Variants in HIPK3 observed in about 807,000 individuals in gnomAD.
HIPK3 encodes the protein homeodomain interacting protein kinase 3.
Under a neutral mutation model 124.2 loss-of-function variants are expected in HIPK3, and 47 were observed. The ratio of observed to expected loss-of-function variants is 0.38; its 90% CI spans 0.30 to 0.48. The LOEUF (loss-of-function observed/expected upper bound fraction) is 0.48, where lower values mean the gene tolerates loss of function less well. Ranked by LOEUF, HIPK3 falls within the 20% of genes least tolerant of loss-of-function variation. HIPK3 has a pLI of 0.98. For synonymous variants in HIPK3, 482 were observed against 515.2 expected (o/e 0.94, Z 0.87); for missense variants, 1,286 against 1,454.3 (o/e 0.88, Z 1.88).
At position 33,351,617 on chromosome 11, in the gene HIPK3, T is replaced by A; in HGVS notation, c.2817T>A (p.Asp939Glu). 6.2e-7 allele frequency: 1 copy of A among 1,613,140 alleles called. No homozygotes were observed. The highest frequency in any genetic ancestry group is 1.1e-5 in the South Asian group (1 of 90,996). ...SPCKRPNSMS[D>E]EEQESSCDTV... The stretch of plus-strand genomic sequence containing the variant: ...TGCTTTCTTTTTGTAGTATGTCAGA[T>A]GAAGAGCAAGAAAGTAGTTGTGATA... Residue 939 changes from aspartate (D) to glutamate (E), a missense_variant, in exon 15 of 17, where the codon GAT becomes GAA. Physicochemically the swap from Asp to Glu is conservative, Grantham distance 45 (BLOSUM62 2). Coordinates refer to ENST00000303296, the MANE Select transcript of HIPK3 (RefSeq NM_005734.5).
chr11:33,298,208 G>A (rs1047505121), intron 2 of HIPK3, among the ~76,000 whole-genome samples: 8 of 152,134 alleles, frequency 5.3e-5, no homozygotes, highest in African/African-American at 1.9e-4. Flanking sequence ...ACTCTGCCTC[G>A]ACTCTGCCTA....
intron 2 of HIPK3, among the ~76,000 whole-genome samples, chr11:33,312,661 TG>T (rs766189751): frequency 9.2e-5 from 14 of 152,212 alleles, no homozygotes; most frequent in Non-Finnish European, 1.6e-4. Flanking sequence ...GAGGACACTT[TG>T]TAGAGGGCAT....
Position 33,347,389 on chromosome 11 carries a change from A to C in HIPK3, c.1994A>C (p.Gln665Pro). The C allele has an allele frequency of 6.2e-7, 1 of 1,614,126 alleles. No individual in the cohort carries two copies. Among genetic ancestry groups the C allele is most frequent in the Non-Finnish European group, 8.5e-7 (1 of 1,180,006 alleles). Residue 665 changes from glutamine (Q) to proline (P), a missense_variant, in exon 9 of 17, where the codon CAG becomes CCG. Coordinates refer to ENST00000303296, the MANE Select transcript of HIPK3 (RefSeq NM_005734.5). ...VTQAPAVQPL[Q>P]IRPGVLSQTW... ...CAGGCCCCAGCTGTGCAGCCACTAC[A>C]GATCCGACCAGGAGTTCTTTCTCAG...
intron 2 of HIPK3, among the ~76,000 whole-genome samples, chr11:33,297,413 T>C (rs1851871573): frequency 6.6e-6 from 1 of 152,192 alleles, no homozygotes; most frequent in East Asian, 1.9e-4. Flanking sequence ...TTTTGTGGTC[T>C]GGATAAGTGA....
intron 2 of HIPK3, among the ~76,000 whole-genome samples, chr11:33,295,544 C>T (rs1201325603): frequency 6.6e-6 from 1 of 152,266 alleles, no homozygotes; most frequent in Non-Finnish European, 1.5e-5. Flanking sequence ...GTCAGCGCAC[C>T]TGCGCAGAAC....
chr11:33,320,276 T>C (rs138309287), intron 2 of HIPK3, among the ~76,000 whole-genome samples: 3 of 152,324 alleles, frequency 2.0e-5, no homozygotes, highest in African/African-American at 7.2e-5. Context: ...TCACTCAAGC[T>C]GCTAGATTGA....
chr11:33,353,339 C>T lies in HIPK3; in HGVS notation c.3419C>T (p.Pro1140Leu), dbSNP rs1001433241. The change falls in exon 17 of 17, where the codon CCG becomes CTG. Residue 1140 changes from proline (P) to leucine (L), a missense_variant. This residue lies in a region of HIPK3 where 810 missense variants were observed against 864.9 expected (regional missense o/e 0.94). Transcript: ENST00000303296. Reference protein sequence around the residue: ...AAPVAHLLASPCTSRPMLQHP... With the variant: ...AAPVAHLLASLCTSRPMLQHP... ...CCAGTGGCCCACCTGTTAGCCTCTC[C>T]GTGTACCTCAAGACCTATGTTACAG... 1.7e-5 allele frequency: 28 copies of T among 1,614,020 alleles called. No homozygotes were observed. Among genetic ancestry groups the T allele is most frequent in the African/African-American group, 4.0e-5 (3 of 74,914 alleles).
chr11:33,280,222 G>T (rs747456520), intron 1 of HIPK3, among the ~76,000 whole-genome samples: 10 of 152,276 alleles, frequency 6.6e-5, no homozygotes, highest in South Asian at 2.1e-4. Flanking sequence ...AGAACAATTG[G>T]CAGGGTCATG....
rs118030860 is a variant in HIPK3 at position 33,262,008 on chromosome 11, C to T, written c.-3+4119C>T. 4.2e-3 allele frequency among the ~76,000 whole-genome samples: 644 copies of T among 152,252 alleles called. 4 individuals carry two copies. Among genetic ancestry groups the T allele is most frequent in the Non-Finnish European group, 5.8e-3 (395 of 68,018 alleles). Reference sequence around the variant, plus strand: ...ATGTGCTTGTTGGCCACACGTATGTCTTTTGAAGAGTGTCTGTTCATGTGT... The same window carrying T: ...ATGTGCTTGTTGGCCACACGTATGTTTTTTGAAGAGTGTCTGTTCATGTGT... On this transcript the variant is annotated intron_variant, in intron 1 of 16. Coordinates refer to ENST00000303296, the MANE Select transcript of HIPK3 (RefSeq NM_005734.5).
Position 33,257,667 on chromosome 11 carries a change from A to G in HIPK3, c.-225A>G. 1.0e-6 allele frequency: 1 copy of G among 983,486 alleles called. No homozygotes were observed. The highest frequency in any genetic ancestry group is 1.2e-6 in the Non-Finnish European group (1 of 830,460). 60.9% of individuals were successfully genotyped at this position (983,486 alleles called of 1,614,324 possible). A position where few individuals can be genotyped will look rare whatever the true frequency, so the allele number is the denominator to read the frequency against. The stretch of plus-strand genomic sequence containing the variant: ...GACGGGCCCGGCGCTTAGCAGCCAG[A>G]GCAGCAGCAGCAGCAGCAGCGGTCG... On this transcript the variant is annotated 5_prime_UTR_variant, in exon 1 of 17. Transcript: ENST00000303296.
chr11:33,295,372 C>T (rs1482520182), intron 2 of HIPK3, among the ~76,000 whole-genome samples: 1 of 151,482 alleles, frequency 6.6e-6, no homozygotes, highest in Non-Finnish European at 1.5e-5. Flanking sequence ...TCTCCCTAGC[C>T]AGGGTTGTGC....
At chr11:33,306,138 A>G (rs913944312) in intron 2 of HIPK3, among the ~76,000 whole-genome samples, 1 of 152,224 alleles carries the variant, frequency 6.6e-6, no homozygotes, top group African/African-American at 2.4e-5. Context: ...ATATACTTAA[A>G]TGAGAATTGG....
At chr11:33,281,058 C>T (rs1851399293) in intron 1 of HIPK3, among the ~76,000 whole-genome samples, 3 of 111,806 alleles carry the variant, frequency 2.7e-5, no homozygotes, top group Admixed American at 2.1e-4. Context: ...ACTTATTTGA[C>T]TTTTTTTTTT....
chr11:33,300,348 CAAA>C (rs565541023), intron 2 of HIPK3, among the ~76,000 whole-genome samples: 2 of 121,702 alleles, frequency 1.6e-5, no homozygotes, highest in African/African-American at 3.0e-5. Context: ...GACTCCATCG[CAAA>C]AAAAAAAAAA....
upstream of HIPK3, chr11:33,257,213 G>A: frequency 1.0e-6 from 1 of 983,662 alleles, no homozygotes; most frequent in Non-Finnish European, 1.2e-6. Context: ...GGGCGCGGCT[G>A]CGGACTGGCG....
intron 2 of HIPK3, among the ~76,000 whole-genome samples, chr11:33,319,496 C>CAA (rs34485674): frequency 8.5e-4 from 98 of 115,796 alleles, no homozygotes; most frequent in Admixed American, 2.0e-3. Flanking sequence ...AACTCCATCT[C>CAA]AAAAAAAAAA....
At chr11:33,299,797 G>A (rs530879303) in intron 2 of HIPK3, among the ~76,000 whole-genome samples, 2 of 152,180 alleles carry the variant, frequency 1.3e-5, no homozygotes, top group East Asian at 3.9e-4. Flanking sequence ...AGGCTGAGGT[G>A]GGAGGATCAT....
rs765622186 is a variant in HIPK3, at chr11:33,287,083, A to G, written c.669A>G (p.Val223=). Residue 223 remains valine, a synonymous_variant, in exon 2 of 17, where the codon GTA becomes GTG. Transcript: ENST00000303296. ...GGAAAAGAGGGACAAATGAAATTGT[A>G]GCAATCAAAATTTTGAAGAATCATC... ...KCWKRGTNEI[V]AIKILKNHPS... is the part of the protein sequence containing the mutation. 6 of 1,614,130 alleles carry G rather than the reference A, an allele frequency of 3.7e-6. No individual in the cohort carries two copies. In the Admixed American group the frequency reaches 1.0e-4, roughly 27 times the overall value.
At chr11:33,280,859 C>G (rs1851393619) in intron 1 of HIPK3, among the ~76,000 whole-genome samples, 1 of 152,030 alleles carries the variant, frequency 6.6e-6, no homozygotes, top group African/African-American at 2.4e-5. Flanking sequence ...CCTGTTTTTT[C>G]AGACTTGGGG....
Sources: gnomAD v4.1 joint callset for allele counts (sites outside exome capture counted in the v4.1 genomes callset) on GRCh38, gnomAD v4.1.1 for gene constraint, gnomAD v4.1.1 regional missense constraint, MANE v1.5 for transcripts, NCBI Gene and HGNC (gene_info 2026-07-23, HGNC 2026-07-21) for gene names.